CPEB3: variants seen among roughly 807,000 people sequenced by gnomAD.
CPEB3 encodes cytoplasmic polyadenylation element binding protein 3.
Under a neutral mutation model 67.2 loss-of-function variants are expected in CPEB3, and 20 were observed. The ratio of observed to expected loss-of-function variants is 0.30; its 90% CI spans 0.21 to 0.43. CPEB3 has a LOEUF of 0.43. Among genes scored for constraint, CPEB3 ranks in the 20% least tolerant of loss-of-function variants. CPEB3 has a pLI of 1.00. For missense variants in CPEB3, 746 were observed against 968.6 expected, an observed-to-expected ratio of 0.77 and a Z score of 3.05; for synonymous variants, 376 against 393.1, an observed-to-expected ratio of 0.96 and a Z score of 0.51.
At chr10:92,263,666 C>G (rs963071174) in intron 1 of CPEB3, among the ~76,000 whole-genome samples, 1 of 152,072 alleles carries the variant, frequency 6.6e-6, no homozygotes, top group African/African-American at 2.4e-5. Flanking sequence ...GGGACATATT[C>G]TTACACAGCC....
intron 9 of CPEB3, among the ~76,000 whole-genome samples, chr10:92,063,483 A>G (rs549785156): frequency 2.2e-4 from 33 of 152,274 alleles, no homozygotes; most frequent in African/African-American, 7.9e-4. Context: ...GTCAGACACC[A>G]GCCGGGCCCA....
At chr10:92,201,905 T>G (rs1849543600) in intron 2 of CPEB3, among the ~76,000 whole-genome samples, 1 of 152,098 alleles carries the variant, frequency 6.6e-6, no homozygotes, top group Non-Finnish European at 1.5e-5. Flanking sequence ...AAACTGTAAG[T>G]CTCATGGGAG....
At position 92,187,768 on chromosome 10, in the gene CPEB3, C is replaced by T. The variant is rs1038332143; in HGVS notation, c.1165+4709G>A. 4.6e-5 allele frequency among the ~76,000 whole-genome samples: 7 copies of T among 152,194 alleles called. No homozygotes were observed. In the East Asian group the frequency reaches 5.8e-4, roughly 13 times the overall value. ...ATCTCTTACCCCACCTCTCTCAACA[C>T]GATTAATCCCCTTAATCCTCATAGT... On this transcript the variant is annotated intron_variant, in intron 3 of 9. Coordinates refer to ENST00000265997, the MANE Select transcript of CPEB3 (RefSeq NM_014912.5).
At chr10:92,238,935 C>T (rs1295303351) in intron 2 of CPEB3, among the ~76,000 whole-genome samples, 1 of 152,134 alleles carries the variant, frequency 6.6e-6, no homozygotes. Context: ...GCAGGCGGCA[C>T]CCTGAGCTCA....
chr10:92,230,033 C>T (rs185139114), intron 2 of CPEB3, among the ~76,000 whole-genome samples: 8 of 149,884 alleles, frequency 5.3e-5, no homozygotes, highest in African/African-American at 1.7e-4. Flanking sequence ...GCAACGAGAG[C>T]GAAACTCCGT....
intron 1 of CPEB3, among the ~76,000 whole-genome samples, chr10:92,281,364 G>C (rs1245360308): frequency 1.3e-5 from 2 of 151,762 alleles, no homozygotes; most frequent in East Asian, 2.0e-4. Context: ...AAAGTGCAGG[G>C]ACTACAGGCG....
At chr10:92,119,914 C>CG (rs1025447882) in intron 6 of CPEB3, among the ~76,000 whole-genome samples, 2 of 151,842 alleles carry the variant, frequency 1.3e-5, no homozygotes, top group African/African-American at 4.8e-5. Flanking sequence ...AGAAAAAAAT[C>CG]TAAGTGCAAG....
intron 7 of CPEB3, among the ~76,000 whole-genome samples, chr10:92,103,009 C>A (rs144731294): frequency 6.6e-6 from 1 of 152,326 alleles, no homozygotes; most frequent in East Asian, 1.9e-4. Context: ...GTGCTCTGTG[C>A]ACGTTTGGTG....
chr10:92,219,066 G>A (rs772146571), intron 2 of CPEB3, among the ~76,000 whole-genome samples: 1 of 152,152 alleles, frequency 6.6e-6, no homozygotes, highest in Non-Finnish European at 1.5e-5. Flanking sequence ...CAAACGAAGT[G>A]TCTTCGGGGC....
At chr10:92,238,372 C>T (rs1162032814) in intron 2 of CPEB3, among the ~76,000 whole-genome samples, 1 of 152,204 alleles carries the variant, frequency 6.6e-6, no homozygotes, top group Non-Finnish European at 1.5e-5. Flanking sequence ...AATAAGGACA[C>T]TCTTCATTTC....
At chr10:92,077,019 A>G (rs1336988894) in intron 9 of CPEB3, among the ~76,000 whole-genome samples, 1 of 152,148 alleles carries the variant, frequency 6.6e-6, no homozygotes, top group Non-Finnish European at 1.5e-5. Context: ...CAAGTTTCAG[A>G]ACCTTTCTAT....
At chr10:92,284,770 A>G (rs1842454467) in intron 1 of CPEB3, among the ~76,000 whole-genome samples, 1 of 152,112 alleles carries the variant, frequency 6.6e-6, no homozygotes, top group Non-Finnish European at 1.5e-5. Context: ...AAACCCCACA[A>G]ACAAGGTAAA....
chr10:92,216,049 A>ATT (rs71025388), intron 2 of CPEB3, among the ~76,000 whole-genome samples: 3,532 of 138,252 alleles, frequency 0.026, 124 homozygotes, highest in African/African-American at 0.073. Flanking sequence ...CGCCCAGCTC[A>ATT]TTTTTTTTTT....
intron 9 of CPEB3, among the ~76,000 whole-genome samples, chr10:92,062,433 G>A (rs1257929857): frequency 2.6e-5 from 4 of 152,054 alleles, no homozygotes; most frequent in Admixed American, 6.6e-5. Flanking sequence ...AGGTTGGCTC[G>A]TATTGAAGGG....
rs543549002 is a variant in CPEB3, at chr10:92,122,914, A to G, written c.1454-11720T>C. ...ATACTGCCTAAGTGCACGGATTCCTAAACACTCTGCTTAGATTCAGAACTA... is the reference window on the plus strand; with the variant it reads ...ATACTGCCTAAGTGCACGGATTCCTGAACACTCTGCTTAGATTCAGAACTA... On this transcript the variant is annotated intron_variant, in intron 6 of 9. Transcript: ENST00000265997. Among the ~76,000 whole-genome samples, 29 of 152,280 alleles carry G rather than the reference A, an allele frequency of 1.9e-4. No homozygotes were observed. The East Asian group carries it at 5.6e-3, about 30-fold the overall frequency.
chr10:92,198,711 T>C (rs1849358480), intron 2 of CPEB3, among the ~76,000 whole-genome samples: 1 of 152,068 alleles, frequency 6.6e-6, no homozygotes, highest in East Asian at 1.9e-4. Flanking sequence ...CGCTGCAGAG[T>C]AGGTATTATC....
At chr10:92,136,486 T>C (rs1043787683) in intron 6 of CPEB3, among the ~76,000 whole-genome samples, 1 of 151,902 alleles carries the variant, frequency 6.6e-6, no homozygotes, top group Non-Finnish European at 1.5e-5. Flanking sequence ...AACAACTCAA[T>C]AGGAAAAAAA....
chr10:92,226,949 G>C (rs371066646), intron 2 of CPEB3, among the ~76,000 whole-genome samples: 1 of 152,128 alleles, frequency 6.6e-6, no homozygotes, highest in Non-Finnish European at 1.5e-5. Context: ...AGCGCCTCCT[G>C]ACTGAGCCCC....
At position 92,239,702 on chromosome 10, in the gene CPEB3, T is replaced by C. The variant is rs776954518; in HGVS notation, c.649A>G (p.Thr217Ala). Residue 217 changes from threonine (T) to alanine (A), a missense_variant, in exon 2 of 10, where the codon ACC becomes GCC. Transcript: ENST00000265997. This position sits in a 1 kb window ranked among gnomAD's most constrained non-coding sequence, Gnocchi z 6.0. ...GCCGAAGACGAGGACGGCTTGCTGGTCATGATGGGCTGGTGGCCGTACGCC... is the reference window on the plus strand; with the variant it reads ...GCCGAAGACGAGGACGGCTTGCTGGCCATGATGGGCTGGTGGCCGTACGCC... ...AAAYGHQPIM[T>A]SKPSSSSAVA... 17 of 1,567,900 alleles carry C rather than the reference T, an allele frequency of 1.1e-5. No individual in the cohort carries two copies. The highest frequency in any genetic ancestry group is 1.8e-5 in the Admixed American group (1 of 54,640).
Sources: allele counts gnomAD v4.1 joint callset (sites outside exome capture counted in the v4.1 genomes callset), GRCh38; gene constraint gnomAD v4.1.1; non-coding constraint Gnocchi (gnomAD v3.1); transcripts MANE v1.5; gene names NCBI Gene and HGNC (gene_info 2026-07-23, HGNC 2026-07-21).